HIBCH: variants seen among roughly 807,000 people sequenced by gnomAD.
The protein encoded by HIBCH is 3-hydroxyisobutyryl-CoA hydrolase.
A neutral mutation model predicts 58.2 loss-of-function variants in HIBCH; 50 were observed. The ratio of observed to expected loss-of-function variants is 0.86; its 90% CI spans 0.68 to 1.09. The LOEUF is 1.09. HIBCH is among the 50% of genes least tolerant of loss of function. The probability of loss-of-function intolerance (pLI) is 0.00; values close to 1 mark genes in which losing one functional copy is unlikely to be tolerated. For synonymous variants in HIBCH, 151 were observed against 146.9 expected, an observed-to-expected ratio of 1.03 and a Z score of -0.20; for missense variants, 450 against 449.7, an observed-to-expected ratio of 1.00 and a Z score of -0.01.
chr2:190,252,709 G>C (rs1686809159), intron 7 of HIBCH, among the ~76,000 whole-genome samples: 1 of 151,968 alleles, frequency 6.6e-6, no homozygotes, highest in African/African-American at 2.4e-5. Flanking sequence ...GCCTATTATA[G>C]CAAAATTATT....
At chr2:190,245,036 C>G in intron 10 of HIBCH, 68 bp from the exon 11 acceptor site, 2 of 980,252 alleles carry the variant, frequency 2.0e-6, no homozygotes, top group South Asian at 2.6e-5. Context: ...TACGATGAAT[C>G]TGAACATAGG....
At chr2:190,278,757 A>T (rs1200874532) in intron 6 of HIBCH, among the ~76,000 whole-genome samples, 2 of 151,342 alleles carry the variant, frequency 1.3e-5, no homozygotes, top group South Asian at 2.1e-4. Context: ...AAAAAAAAAA[A>T]AGCCTAGGTC....
chr2:190,226,897 A>G (rs927493833), intron 11 of HIBCH, among the ~76,000 whole-genome samples: 2 of 152,148 alleles, frequency 1.3e-5, no homozygotes, highest in African/African-American at 4.8e-5. Context: ...CTTCAAGGAG[A>G]ACTACAAACC....
intron 6 of HIBCH, among the ~76,000 whole-genome samples, chr2:190,273,706 A>T (rs35851674): frequency 0.23 from 5,127 of 22,708 alleles, 248 homozygotes; most frequent in African/African-American, 0.32. Context: ...AGTTTTTTTA[A>T]AAAAAAAAGA....
intron 6 of HIBCH, among the ~76,000 whole-genome samples, chr2:190,275,152 C>T (rs1687513678): frequency 6.6e-6 from 1 of 152,034 alleles, no homozygotes; most frequent in Non-Finnish European, 1.5e-5. Flanking sequence ...GTTGGGGAAC[C>T]AACTTCATTT....
rs3083429 is a variant in HIBCH at position 190,194,477 on chromosome 2, T to TACACACAC, written c.*18-4488_*18-4481dup. ...GTAGTGTTCCCACGTATCCTGTGTA[T>TACACACAC]ACACACACACACACACACACACACA... On this transcript the variant is annotated intron_variant, in intron 1 of 1. Transcript: ENST00000399855. Among the ~76,000 whole-genome samples, 247 of 141,476 alleles carry TACACACAC rather than the reference T, an allele frequency of 1.7e-3. 1 individual carries two copies. The highest frequency in any genetic ancestry group is 3.0e-3 in the South Asian group (13 of 4,338). 92.8% of individuals were successfully genotyped at this position (141,476 alleles called of 152,430 possible).
At position 190,207,666 on chromosome 2, in the gene HIBCH, A is replaced by G. The variant is rs1690422533; in HGVS notation, c.1045+1214T>C. Among the ~76,000 whole-genome samples the G allele has an allele frequency of 6.6e-6, 1 of 152,074 alleles. No homozygotes were observed. Among genetic ancestry groups the G allele is most frequent in the African/African-American group, 2.4e-5 (1 of 41,328 alleles). ...GAGTCCAAGGCAGCCAGATCACATAATATCAGGAGTTCAAGACCAGCCTGG... is the reference window on the plus strand; with the variant it reads ...GAGTCCAAGGCAGCCAGATCACATAGTATCAGGAGTTCAAGACCAGCCTGG... On this transcript the variant is annotated intron_variant, in intron 13 of 13. Transcript: ENST00000359678. This position sits in a 1 kb window ranked among gnomAD's most constrained non-coding sequence, Gnocchi z 4.5.
At position 190,302,603 on chromosome 2, in the gene HIBCH, G is replaced by C. The variant is rs577861084; in HGVS notation, c.79-5650C>G. The stretch of plus-strand genomic sequence containing the variant: ...TTGAAATCAGCAGGGGAAAATTTCG[G>C]CTGGTTTCTGTTTAACTCTTAGGGA... On this transcript the variant is annotated intron_variant, in intron 2 of 13. Coordinates refer to ENST00000359678, the MANE Select transcript of HIBCH (RefSeq NM_014362.4). 5.3e-5 allele frequency among the ~76,000 whole-genome samples: 8 copies of C among 152,274 alleles called. 1 individual carries two copies. The South Asian group carries it at 1.7e-3, about 32-fold the overall frequency.
chr2:190,301,810 A>T (rs1688270496), intron 2 of HIBCH, among the ~76,000 whole-genome samples: 1 of 152,226 alleles, frequency 6.6e-6, no homozygotes, highest in Non-Finnish European at 1.5e-5. Context: ...GTGTGTCCAC[A>T]CATGGCACAA....
At chr2:190,245,140 T>G (rs1415864345) in intron 10 of HIBCH, among the ~76,000 whole-genome samples, 172 bp from the exon 11 acceptor site, 3 of 152,226 alleles carry the variant, frequency 2.0e-5, no homozygotes, top group Non-Finnish European at 4.4e-5. Context: ...GGGTAAGCAT[T>G]TGCCGTCTAC....
chr2:190,230,811 G>A (rs1237325645), intron 11 of HIBCH, among the ~76,000 whole-genome samples: 1 of 152,152 alleles, frequency 6.6e-6, no homozygotes, highest in African/African-American at 2.4e-5. Context: ...CCAGAGAACA[G>A]GGAAAACAGG....
intron 11 of HIBCH, among the ~76,000 whole-genome samples, chr2:190,227,314 TG>T (rs1462153790): frequency 6.6e-6 from 1 of 152,088 alleles, no homozygotes; most frequent in Non-Finnish European, 1.5e-5. Flanking sequence ...AAAGAAGAAA[TG>T]GGGAAATGAT....
chr2:190,227,877 C>T (rs75520894), intron 11 of HIBCH, among the ~76,000 whole-genome samples: 31,002 of 152,000 alleles, frequency 0.2, 3,406 homozygotes, highest in East Asian at 0.32. Flanking sequence ...CCAGTTAGAA[C>T]GACGATCATT....
At chr2:190,311,651 G>C (rs1415151724) in intron 1 of HIBCH, among the ~76,000 whole-genome samples, 1 of 152,140 alleles carries the variant, frequency 6.6e-6, no homozygotes. Context: ...ACCAAAGTCT[G>C]ATTGATAAAT....
At chr2:190,284,373 G>A (rs1303858501) in intron 6 of HIBCH, among the ~76,000 whole-genome samples, 2 of 152,042 alleles carry the variant, frequency 1.3e-5, no homozygotes, top group Admixed American at 6.6e-5. Flanking sequence ...TAATTCTCAG[G>A]CTTCTGTAAA....
At chr2:190,248,409 G>C (rs1686672249) in intron 9 of HIBCH, among the ~76,000 whole-genome samples, 1 of 152,134 alleles carries the variant, frequency 6.6e-6, no homozygotes, top group African/African-American at 2.4e-5. Flanking sequence ...AGGGAAAAGG[G>C]ACAGAGGTCT....
chr2:190,310,194 C>T (rs923005295), intron 2 of HIBCH, among the ~76,000 whole-genome samples: 1 of 152,184 alleles, frequency 6.6e-6, no homozygotes, highest in Non-Finnish European at 1.5e-5. Context: ...GGGCCTTTGG[C>T]CACAGACTGG....
At chr2:190,303,464 A>G (rs1202588621) in intron 2 of HIBCH, among the ~76,000 whole-genome samples, 2 of 151,860 alleles carry the variant, frequency 1.3e-5, no homozygotes, top group Admixed American at 6.6e-5. Context: ...AATTAAAAGG[A>G]TGGGGTCATA....
chr2:190,213,787 A>C (rs1262072615), intron 11 of HIBCH: 1 of 152,418 alleles, frequency 6.6e-6, no homozygotes, highest in Non-Finnish European at 1.5e-5. Flanking sequence ...CCTAACACTC[A>C]ACAGGTGACG....
Sources: allele counts gnomAD v4.1 joint callset (sites outside exome capture counted in the v4.1 genomes callset), GRCh38; gene constraint gnomAD v4.1.1; non-coding constraint Gnocchi (gnomAD v3.1); transcripts MANE v1.5; gene names NCBI Gene and HGNC (gene_info 2026-07-23, HGNC 2026-07-21).